The following KLHL29 variants were observed in gnomAD, a reference collection of about 807,000 sequenced individuals.
KLHL29 encodes kelch like family member 29.
KLHL29 carries 21 observed loss-of-function variants against 80.4 expected under a neutral mutation model. The ratio of observed to expected loss-of-function variants is 0.26; its 90% CI spans 0.19 to 0.38. The LOEUF is 0.38. Among genes scored for constraint, KLHL29 ranks in the 10% least tolerant of loss-of-function variants. The probability of loss-of-function intolerance (pLI) is 1.00; values close to 1 mark genes in which losing one functional copy is unlikely to be tolerated. For synonymous variants in KLHL29, 511 were observed against 526.8 expected (o/e 0.97, Z 0.41); for missense variants, 867 against 1,223.9 (o/e 0.71, Z 4.35).
intron 2 of KLHL29, among the ~76,000 whole-genome samples, chr2:23,489,365 G>C (rs1665029717): frequency 9.3e-6 from 1 of 108,052 alleles, no homozygotes; most frequent in South Asian, 2.8e-4. Context: ...AATTCCATCA[G>C]CTTCCAGAGT....
intron 2 of KLHL29, among the ~76,000 whole-genome samples, chr2:23,555,207 G>A (rs1431041476): frequency 2.0e-5 from 3 of 152,074 alleles, no homozygotes; most frequent in African/African-American, 4.8e-5. Flanking sequence ...GAGGGCCTCG[G>A]GAGCTGTGCA....
intron 1 of KLHL29, among the ~76,000 whole-genome samples, chr2:23,395,162 A>G (rs1666417456): frequency 6.6e-6 from 1 of 152,104 alleles, no homozygotes; most frequent in Non-Finnish European, 1.5e-5. Flanking sequence ...ACCACATCTC[A>G]CCAGGAAGTC....
intron 1 of KLHL29, among the ~76,000 whole-genome samples, chr2:23,396,752 A>G (rs778582142): frequency 6.6e-6 from 1 of 152,250 alleles, no homozygotes; most frequent in Non-Finnish European, 1.5e-5. Context: ...TCGATTTGCC[A>G]AAGGGAAGCA....
intron 2 of KLHL29, among the ~76,000 whole-genome samples, chr2:23,493,402 CTGA>C (rs1197933132): frequency 2.6e-5 from 4 of 152,072 alleles, no homozygotes; most frequent in Non-Finnish European, 5.9e-5. Context: ...TCATATTTTA[CTGA>C]TGATATTTTC....
chr2:23,645,485 C>T (rs942012303), intron 5 of KLHL29, among the ~76,000 whole-genome samples: 7 of 152,176 alleles, frequency 4.6e-5, no homozygotes, highest in Admixed American at 3.3e-4. Flanking sequence ...TTCCTTTTCT[C>T]CTGTTCTCTG....
chr2:23,432,558 G>C (rs1002647623), intron 1 of KLHL29, among the ~76,000 whole-genome samples: 1 of 152,250 alleles, frequency 6.6e-6, no homozygotes, highest in Non-Finnish European at 1.5e-5. Context: ...TAATACACAT[G>C]TAGATTTAAA....
At chr2:23,393,160 A>G (rs1422435925) in intron 1 of KLHL29, among the ~76,000 whole-genome samples, 1 of 139,966 alleles carries the variant, frequency 7.1e-6, no homozygotes, top group African/African-American at 2.7e-5. Context: ...GGTGCCTGGC[A>G]CAAAACTCTG....
rs958470490 is a variant in KLHL29 at position 23,703,591 on chromosome 2, C to T, written c.2300-128C>T. On this transcript the variant is annotated intron_variant, in intron 12 of 13. Coordinates refer to ENST00000486442, the MANE Select transcript of KLHL29 (RefSeq NM_052920.2). ...AGGTTCCCCTAGGCCCCGGACCCAT[C>T]CCCAGGCCAATCAGTCACTTGTTGG... 2.4e-6 allele frequency: 3 copies of T among 1,238,550 alleles called. No homozygotes were observed. The African/African-American group carries it at 4.5e-5, about 19-fold the overall frequency. The allele number at this position is 1,238,550 out of a possible 1,614,324, so 76.7% of individuals were successfully genotyped here.
At chr2:23,537,446 A>G (rs1666706687) in intron 2 of KLHL29, among the ~76,000 whole-genome samples, 1 of 12,500 alleles carries the variant, frequency 8.0e-5, no homozygotes, top group Admixed American at 1.1e-3. Context: ...ACACACACAC[A>G]CACACACACA....
rs117869927 is a variant in KLHL29 at position 23,666,771 on chromosome 2, T to C, written c.941-17628T>C. On this transcript the variant is annotated intron_variant, in intron 5 of 13. Coordinates refer to ENST00000486442, the MANE Select transcript of KLHL29 (RefSeq NM_052920.2). The stretch of plus-strand genomic sequence containing the variant: ...ATGTGGAGCACCCAAGATCAAGTGC[T>C]CAGCCACAGGCTGGCCCACCCAGAC... 5.3e-4 allele frequency among the ~76,000 whole-genome samples: 80 copies of C among 152,374 alleles called. 2 individuals are homozygous for C. The East Asian group carries it at 0.014, about 28-fold the overall frequency.
chr2:23,561,312 G>C (rs1161155749), intron 2 of KLHL29, among the ~76,000 whole-genome samples: 1 of 152,156 alleles, frequency 6.6e-6, no homozygotes, highest in East Asian at 1.9e-4. Context: ...TGCAATCTTT[G>C]GTGATTCAGA....
chr2:23,688,470 A>G (rs1375634435), intron 6 of KLHL29, among the ~76,000 whole-genome samples: 1 of 152,210 alleles, frequency 6.6e-6, no homozygotes, highest in Non-Finnish European at 1.5e-5. Context: ...GATGTCTGGA[A>G]GGAAGGGCAT....
chr2:23,588,262 G>A (rs1258213511), intron 3 of KLHL29, among the ~76,000 whole-genome samples: 1 of 152,122 alleles, frequency 6.6e-6, no homozygotes, highest in African/African-American at 2.4e-5. Context: ...AGTTGGTATG[G>A]CCAGGACTCT....
chr2:23,494,483 T>C (rs919993344), intron 2 of KLHL29, among the ~76,000 whole-genome samples: 3 of 152,180 alleles, frequency 2.0e-5, no homozygotes, highest in Non-Finnish European at 4.4e-5. Flanking sequence ...GAGCATCTTT[T>C]TCAGCTGCAT....
chr2:23,441,042 C>T (rs967056727), intron 1 of KLHL29, among the ~76,000 whole-genome samples: 55 of 152,040 alleles, frequency 3.6e-4, no homozygotes, highest in Admixed American at 1.9e-3. Flanking sequence ...ATGTTTATTG[C>T]GGCACTATTC....
chr2:23,404,461 G>A (rs1220016786), intron 1 of KLHL29, among the ~76,000 whole-genome samples: 1 of 152,086 alleles, frequency 6.6e-6, no homozygotes, highest in Non-Finnish European at 1.5e-5. Context: ...TGATGTTTGA[G>A]ATTTAAAAAA....
At chr2:23,458,127 C>T (rs1412596584) in intron 1 of KLHL29, among the ~76,000 whole-genome samples, 1 of 152,340 alleles carries the variant, frequency 6.6e-6, no homozygotes, top group African/African-American at 2.4e-5. Context: ...CTGCAGGTGG[C>T]CGGCGTTGCC....
intron 1 of KLHL29, 130 bp from the exon 2 acceptor site, chr2:23,475,430 C>G (rs1390015966): frequency 1.3e-5 from 2 of 156,260 alleles, no homozygotes; most frequent in Non-Finnish European, 2.9e-5. Context: ...AGACTAGCAT[C>G]CAGTTAGTGT....
intron 3 of KLHL29, among the ~76,000 whole-genome samples, chr2:23,609,962 G>A (rs958860101): frequency 1.3e-5 from 2 of 152,170 alleles, no homozygotes; most frequent in Non-Finnish European, 2.9e-5. Flanking sequence ...TCAGTGACAT[G>A]GGGGTACGGG....
Sources: gnomAD v4.1 joint callset for allele counts (sites outside exome capture counted in the v4.1 genomes callset) on GRCh38, gnomAD v4.1.1 for gene constraint, MANE v1.5 for transcripts, NCBI Gene and HGNC (gene_info 2026-07-23, HGNC 2026-07-21) for gene names.